Variants in PDSS2 observed in about 807,000 individuals in gnomAD.
PDSS2 encodes the protein all trans-polyprenyl-diphosphate synthase PDSS2.
PDSS2 carries 31 observed loss-of-function variants against 44.5 expected under a neutral mutation model. The ratio of observed to expected loss-of-function variants is 0.70; its 90% CI spans 0.52 to 0.94. PDSS2 has a LOEUF of 0.94. Among genes scored for constraint, PDSS2 ranks in the 40% least tolerant of loss-of-function variants. The pLI, the probability that PDSS2 is intolerant of heterozygous loss-of-function variation, is 0.00. For missense variants in PDSS2, 452 were observed against 482.2 expected, an observed-to-expected ratio of 0.94 and a Z score of 0.59; for synonymous variants, 157 against 180.3, an observed-to-expected ratio of 0.87 and a Z score of 1.03.
At chr6:107,402,566 CAT>C (rs1491231272) in intron 1 of PDSS2, among the ~76,000 whole-genome samples, 4 of 74,006 alleles carry the variant, frequency 5.4e-5, no homozygotes, top group African/African-American at 1.5e-4. Flanking sequence ...AATATATATA[CAT>C]GTGTATATAT....
At chr6:107,246,753 A>G (rs1477761632) in intron 3 of PDSS2, among the ~76,000 whole-genome samples, 3 of 152,240 alleles carry the variant, frequency 2.0e-5, no homozygotes, top group Non-Finnish European at 2.9e-5. Context: ...TTACGTTTAT[A>G]CTACATAACA....
At chr6:107,353,066 T>C (rs564794268) in intron 1 of PDSS2, among the ~76,000 whole-genome samples, 1 of 152,308 alleles carries the variant, frequency 6.6e-6, no homozygotes, top group South Asian at 2.1e-4. Context: ...TTGTTATCCA[T>C]ATAGTCAATG....
chr6:107,449,445 C>G (rs544761093), intron 1 of PDSS2, among the ~76,000 whole-genome samples: 16 of 152,272 alleles, frequency 1.1e-4, no homozygotes, highest in Admixed American at 3.9e-4. Flanking sequence ...CTCTCCATTT[C>G]CCCCTTCTTC....
intron 7 of PDSS2, among the ~76,000 whole-genome samples, chr6:107,189,009 C>T (rs1196917607): frequency 6.6e-6 from 1 of 152,166 alleles, no homozygotes; most frequent in Non-Finnish European, 1.5e-5. Flanking sequence ...TTCCTGGGGT[C>T]AGGTGATCCT....
At chr6:107,201,219 GAA>G (rs1265202188) in intron 6 of PDSS2, among the ~76,000 whole-genome samples, 1 of 152,022 alleles carries the variant, frequency 6.6e-6, no homozygotes, top group Non-Finnish European at 1.5e-5. Context: ...CAAGAGAAAA[GAA>G]AGTAATTTTT....
chr6:107,364,283 G>C (rs759990662), intron 1 of PDSS2, among the ~76,000 whole-genome samples: 1 of 152,246 alleles, frequency 6.6e-6, no homozygotes, highest in Non-Finnish European at 1.5e-5. Flanking sequence ...ACTGGGCGCC[G>C]TGGAGTAGGG....
In PDSS2 at chr6:107,459,109, G is replaced by A. The variant is rs1466717427; in HGVS notation, c.177C>T (p.Ile59=). 2.5e-5 allele frequency: 40 copies of A among 1,614,090 alleles called. No homozygotes were observed. The highest frequency in any genetic ancestry group is 3.3e-5 in the Non-Finnish European group (39 of 1,180,026). The part of the protein sequence containing the change: ...WNQVVSEAEK[I]VGYPTSFMSL... Reference sequence around the variant, plus strand: ...TCATGAAGGACGTGGGGTACCCCACGATCTTCTCCGCCTCTGACACTACCT... The same window carrying A: ...TCATGAAGGACGTGGGGTACCCCACAATCTTCTCCGCCTCTGACACTACCT... Residue 59 remains isoleucine (I), a synonymous_variant, in exon 1 of 8, where the codon ATC becomes ATT. Coordinates refer to ENST00000369037, the MANE Select transcript of PDSS2 (RefSeq NM_020381.4). The surrounding 1 kb of genome is among the most constrained non-coding windows in gnomAD (Gnocchi z 4.3).
At chr6:107,378,690 G>T (rs1583012478) in intron 1 of PDSS2, among the ~76,000 whole-genome samples, 2 of 152,170 alleles carry the variant, frequency 1.3e-5, no homozygotes, top group African/African-American at 4.8e-5. Flanking sequence ...AGGGGCTGAG[G>T]CAGGAGAATA....
chr6:107,301,141 A>G (rs957395202), intron 2 of PDSS2, among the ~76,000 whole-genome samples: 1 of 152,222 alleles, frequency 6.6e-6, no homozygotes, highest in African/African-American at 2.4e-5. Flanking sequence ...ATAGCTTTTT[A>G]TAGTATATAA....
At chr6:107,382,186 T>A (rs960539018) in intron 1 of PDSS2, among the ~76,000 whole-genome samples, 1 of 152,228 alleles carries the variant, frequency 6.6e-6, no homozygotes, top group African/African-American at 2.4e-5. Flanking sequence ...CACTGTTATA[T>A]CCCCTACACC....
chr6:107,308,333 A>AT (rs1209606644), intron 2 of PDSS2, among the ~76,000 whole-genome samples: 1 of 152,236 alleles, frequency 6.6e-6, no homozygotes, highest in Non-Finnish European at 1.5e-5. Context: ...TATCAACAAA[A>AT]TTATTTATGG....
chr6:107,243,404 A>C lies in PDSS2; in HGVS notation c.702+2144T>G, dbSNP rs536264510. On this transcript the variant is annotated intron_variant, in intron 4 of 7. Transcript: ENST00000369037. ...GTTTCCCTGACATAAAAAATACTTAAAACATGGTCACACAATTATTAATGA... is the reference window on the plus strand; with the variant it reads ...GTTTCCCTGACATAAAAAATACTTACAACATGGTCACACAATTATTAATGA... Among the ~76,000 whole-genome samples the C allele has an allele frequency of 2.0e-5, 3 of 152,366 alleles. No individual in the cohort carries two copies. The South Asian group carries it at 6.2e-4, about 32-fold the overall frequency.
intron 2 of PDSS2, among the ~76,000 whole-genome samples, chr6:107,320,676 C>T (rs1562460172): frequency 6.6e-6 from 1 of 152,048 alleles, no homozygotes; most frequent in Non-Finnish European, 1.5e-5. Context: ...CAAACATAAA[C>T]GTTTTTATTT....
chr6:107,459,276 G>T lies in PDSS2; in HGVS notation c.10C>A (p.Arg4=), dbSNP rs1402002980. MNF[R]QLLLHLPRYL... ...CGTGGCAAGTGCAACAGCAGCTGCC[G>T]AAAGTTCATGGTTTGAGTCTGGAAG... is the stretch of plus-strand genomic sequence containing the variant. Residue 4 remains arginine, a synonymous_variant, in exon 1 of 8, where the codon CGG becomes AGG. Transcript: ENST00000369037. The surrounding 1 kb of genome is among the most constrained non-coding windows in gnomAD (Gnocchi z 4.3). 2 of 1,613,876 alleles carry T rather than the reference G, an allele frequency of 1.2e-6. No homozygotes were observed.
chr6:107,275,602 G>T (rs542761657), intron 2 of PDSS2, among the ~76,000 whole-genome samples: 1 of 152,116 alleles, frequency 6.6e-6, no homozygotes, highest in South Asian at 2.1e-4. Flanking sequence ...GAACACTCAC[G>T]TCAATCCACA....
At chr6:107,391,489 A>AT (rs1779779436) in intron 1 of PDSS2, among the ~76,000 whole-genome samples, 2 of 123,724 alleles carry the variant, frequency 1.6e-5, no homozygotes, top group Admixed American at 1.6e-4. Flanking sequence ...CAAGCAGGGG[A>AT]TGGGGGGATT....
intron 1 of PDSS2, among the ~76,000 whole-genome samples, chr6:107,372,317 A>G (rs1412479526): frequency 6.6e-6 from 1 of 152,166 alleles, no homozygotes; most frequent in Non-Finnish European, 1.5e-5. Context: ...TAAGTAAATC[A>G]CAAGACTCTG....
chr6:107,420,705 A>C (rs1780797637), intron 1 of PDSS2, among the ~76,000 whole-genome samples: 1 of 152,340 alleles, frequency 6.6e-6, no homozygotes, highest in South Asian at 2.1e-4. Context: ...TCACGGATTT[A>C]TGTAAAATGT....
chr6:107,411,610 G>A (rs954715461), intron 1 of PDSS2, among the ~76,000 whole-genome samples: 4 of 152,116 alleles, frequency 2.6e-5, no homozygotes, highest in African/African-American at 9.7e-5. Flanking sequence ...GGTTGTGTCA[G>A]TACTGGGTAT....
Sources: allele counts gnomAD v4.1 joint callset (sites outside exome capture counted in the v4.1 genomes callset), GRCh38; gene constraint gnomAD v4.1.1; non-coding constraint Gnocchi (gnomAD v3.1); transcripts MANE v1.5; gene names NCBI Gene and HGNC (gene_info 2026-07-23, HGNC 2026-07-21).